DLG1: variants seen among roughly 807,000 people sequenced by gnomAD.
DLG1 encodes the protein discs large MAGUK scaffold protein 1.
DLG1 carries 42 observed loss-of-function variants against 123.4 expected under a neutral mutation model. The ratio of observed to expected loss-of-function variants is 0.34; its 90% CI spans 0.27 to 0.44. The LOEUF (loss-of-function observed/expected upper bound fraction) is 0.44, where lower values mean the gene tolerates loss of function less well. DLG1 is among the 20% of genes least tolerant of loss of function. The pLI is 1.00. For synonymous variants in DLG1, 317 were observed against 356.2 expected, an observed-to-expected ratio of 0.89 and a Z score of 1.24; for missense variants, 942 against 1,082.6, an observed-to-expected ratio of 0.87 and a Z score of 1.82.
chr3:197,263,577 C>A (rs533827810), intron 4 of DLG1, among the ~76,000 whole-genome samples: 10 of 151,916 alleles, frequency 6.6e-5, no homozygotes, highest in Non-Finnish European at 1.5e-4. Context: ...ACTTGAGGTC[C>A]GGAGTTCGAG....
At chr3:197,290,081 A>T (rs1213152753) in intron 3 of DLG1, among the ~76,000 whole-genome samples, 1 of 152,194 alleles carries the variant, frequency 6.6e-6, no homozygotes, top group Non-Finnish European at 1.5e-5. Flanking sequence ...GCATCTCATA[A>T]GGACACAAGC....
chr3:197,080,875 T>C lies in DLG1; in HGVS notation c.1905+176A>G, dbSNP rs1750742970. 6.1e-6 allele frequency: 3 copies of C among 493,262 alleles called. No individual in the cohort carries two copies. The East Asian group carries it at 1.0e-4, about 17-fold the overall frequency. 30.6% of individuals were successfully genotyped at this position (493,262 alleles called of 1,614,324 possible). ...ATAATATATCAAATGATAGTTTTGATAATTTGGAAGGGTCTGTGAAATGGG... is the reference window on the plus strand; with the variant it reads ...ATAATATATCAAATGATAGTTTTGACAATTTGGAAGGGTCTGTGAAATGGG... On this transcript the variant is annotated intron_variant, in intron 17 of 24. Coordinates refer to ENST00000667157, the MANE Select transcript of DLG1 (RefSeq NM_001366207.1).
At chr3:197,145,868 AGGGGTGG>A (rs968985827) in intron 6 of DLG1, among the ~76,000 whole-genome samples, 2 of 86,572 alleles carry the variant, frequency 2.3e-5, no homozygotes, top group Non-Finnish European at 4.5e-5. Flanking sequence ...GCGGGGGCCA[AGGGGTGG>A]GGTAGGGTGG....
intron 3 of DLG1, among the ~76,000 whole-genome samples, chr3:197,288,741 A>ACAT (rs1213910267): frequency 9.1e-4 from 58 of 63,406 alleles, no homozygotes; most frequent in African/African-American, 2.1e-3. Flanking sequence ...AAAAAAAAAA[A>ACAT]AAATACATAC....
chr3:197,110,729 G>A (rs6583194), intron 13 of DLG1, among the ~76,000 whole-genome samples: 112,425 of 152,110 alleles, frequency 0.74, 41,655 homozygotes, highest in East Asian at 0.81. Context: ...TGGCCACTGA[G>A]GTCTCTGTCT....
At chr3:197,146,561 A>G (rs1442036520) in intron 6 of DLG1, among the ~76,000 whole-genome samples, 1 of 152,184 alleles carries the variant, frequency 6.6e-6, no homozygotes, top group Non-Finnish European at 1.5e-5. Flanking sequence ...AGGACACCCT[A>G]TTTGACAAAT....
At chr3:197,226,059 T>A (rs1400751134) in intron 4 of DLG1, 1 of 152,464 alleles carries the variant, frequency 6.6e-6, no homozygotes, top group African/African-American at 2.4e-5. Flanking sequence ...TTAATCTAGA[T>A]CCAAAGCATT....
intron 10 of DLG1, among the ~76,000 whole-genome samples, chr3:197,135,467 C>A (rs1278372174): frequency 6.6e-6 from 1 of 152,206 alleles, no homozygotes; most frequent in Non-Finnish European, 1.5e-5. Flanking sequence ...TGCTTTCCCC[C>A]ACCCTCCACC....
intron 7 of DLG1, among the ~76,000 whole-genome samples, chr3:197,141,418 G>A (rs9873521): frequency 0.74 from 113,291 of 152,102 alleles, 42,296 homozygotes; most frequent in East Asian, 0.81. Context: ...CTATATTAAA[G>A]TATGTACAGT....
intron 4 of DLG1, among the ~76,000 whole-genome samples, chr3:197,258,271 A>T (rs1042491324): frequency 6.6e-6 from 1 of 152,242 alleles, no homozygotes. Flanking sequence ...TATTTATGAC[A>T]GCCTTAAATT....
At chr3:197,119,291 G>T in intron 12 of DLG1, 119 bp downstream of exon 12, 3 of 727,860 alleles carry the variant, frequency 4.1e-6, no homozygotes, top group Non-Finnish European at 6.1e-6. Context: ...TAACCTTTAA[G>T]CTCACTAACT....
chr3:197,198,697 A>G (rs1345178057), intron 4 of DLG1, among the ~76,000 whole-genome samples: 3 of 152,234 alleles, frequency 2.0e-5, no homozygotes, highest in Non-Finnish European at 4.4e-5. Context: ...ATTAATCATT[A>G]CATAAATGCA....
intron 3 of DLG1, among the ~76,000 whole-genome samples, chr3:197,285,669 T>C (rs1771504262): frequency 1.3e-5 from 2 of 151,930 alleles, no homozygotes; most frequent in South Asian, 4.2e-4. Context: ...ACCAGGGAAT[T>C]TCAAATTAAA....
At chr3:197,109,639 T>C (rs2149350588) in intron 13 of DLG1, among the ~76,000 whole-genome samples, 1 of 152,344 alleles carries the variant, frequency 6.6e-6, no homozygotes, top group Middle Eastern at 3.4e-3. Context: ...TAGTTTCCTT[T>C]CATTTTAGTC....
intron 4 of DLG1, among the ~76,000 whole-genome samples, chr3:197,271,138 T>A (rs1220058007): frequency 6.6e-6 from 1 of 152,192 alleles, no homozygotes; most frequent in Non-Finnish European, 1.5e-5. Flanking sequence ...CCTTTCATCC[T>A]GAGCAGCCCC....
chr3:197,223,588 G>A (rs898767496), intron 4 of DLG1, among the ~76,000 whole-genome samples: 1 of 152,152 alleles, frequency 6.6e-6, no homozygotes, highest in Non-Finnish European at 1.5e-5. Flanking sequence ...AAGATTACTT[G>A]TTGTTTACAT....
At chr3:197,100,623 T>G (rs1214425024) in intron 14 of DLG1, among the ~76,000 whole-genome samples, 1 of 152,120 alleles carries the variant, frequency 6.6e-6, no homozygotes, top group East Asian at 1.9e-4. Flanking sequence ...GATTAAATAT[T>G]TGAGGTGAGA....
At chr3:197,296,841 C>G in intron 2 of DLG1, 2 of 305,538 alleles carry the variant, frequency 6.5e-6, no homozygotes, top group East Asian at 1.2e-4. Context: ...AAATTTTTAA[C>G]ATTTCAAAAT....
intron 4 of DLG1, among the ~76,000 whole-genome samples, chr3:197,227,374 C>T (rs969490665): frequency 6.6e-6 from 1 of 151,824 alleles, no homozygotes; most frequent in Admixed American, 6.6e-5. Context: ...ACTTGGGGGA[C>T]TGGGGCAGGA....
Sources: gnomAD v4.1 joint callset for allele counts (sites outside exome capture counted in the v4.1 genomes callset) on GRCh38, gnomAD v4.1.1 for gene constraint, MANE v1.5 for transcripts, NCBI Gene and HGNC (gene_info 2026-07-23, HGNC 2026-07-21) for gene names.